OTOF: variants seen among roughly 807,000 people sequenced by gnomAD.
The protein encoded by OTOF is fer-1-like family member 2.
Under a neutral mutation model 236.8 loss-of-function variants are expected in OTOF, and 218 were observed. The observed-to-expected ratio is 0.92, with a 90% confidence interval of 0.82 to 1.03. OTOF has a LOEUF of 1.03. OTOF is among the 50% of genes least tolerant of loss of function. The probability of loss-of-function intolerance (pLI) is 0.00; values close to 1 mark genes in which losing one functional copy is unlikely to be tolerated. For missense variants in OTOF, 2,590 were observed against 2,694.4 expected (o/e 0.96, Z 0.86); for synonymous variants, 1,041 against 1,072.5 (o/e 0.97, Z 0.57).
At position 26,477,625 on chromosome 2, in the gene OTOF, C is replaced by G. The variant is rs114287189; in HGVS notation, c.2315+24G>C. 139 of 1,611,706 alleles carry G rather than the reference C, an allele frequency of 8.6e-5. No homozygotes were observed. The highest frequency in any genetic ancestry group is 1.6e-4 in the Middle Eastern group (1 of 6,082). On this transcript the variant is annotated intron_variant, in intron 19 of 46. Coordinates refer to ENST00000272371, the MANE Select transcript of OTOF (RefSeq NM_194248.3). The surrounding 1 kb of genome is among the most constrained non-coding windows in gnomAD (Gnocchi z 4.7). ...GTCCAGTTCCGCCTCATCCTCCCCC[C>G]ACCTGCCGCCCCTCCCTTCTCACCA...
In OTOF at chr2:26,473,710, G is replaced by A; in HGVS notation, c.3409-143C>T. 5.2e-6 allele frequency: 5 copies of A among 955,188 alleles called. No homozygotes were observed. The South Asian group carries it at 6.4e-5, about 12-fold the overall frequency. The allele number at this position is 955,188 out of a possible 1,614,324, so 59.2% of individuals were successfully genotyped here. A position where few individuals can be genotyped will look rare whatever the true frequency, so the allele number is the denominator to read the frequency against. On this transcript the variant is annotated intron_variant, in intron 27 of 46. Coordinates refer to ENST00000272371, the MANE Select transcript of OTOF (RefSeq NM_194248.3). The surrounding 1 kb of genome is among the most constrained non-coding windows in gnomAD (Gnocchi z 7.2). ...CCAGATTTCAAAGGGTGGGAGCAGG[G>A]CCAGGAGAGCAGAGGAGGGGCAGGC...
intron 24 of OTOF, 127 bp downstream of exon 24, chr2:26,475,787 G>C (rs546740046): frequency 1.6e-6 from 2 of 1,255,164 alleles, no homozygotes; most frequent in Non-Finnish European, 2.2e-6. Context: ...CTGAGAAACC[G>C]GGGCACTGGC....
chr2:26,485,892 G>A (rs546857078), intron 11 of OTOF, among the ~76,000 whole-genome samples: 4 of 152,364 alleles, frequency 2.6e-5, no homozygotes, highest in Non-Finnish European at 5.9e-5. Flanking sequence ...TGGATGAGGA[G>A]TCACTGGAGA....
In OTOF at chr2:26,463,510, A is replaced by C; in HGVS notation, c.5165T>G (p.Leu1722Arg). 10 of 1,608,256 alleles carry C rather than the reference A, an allele frequency of 6.2e-6. No homozygotes were observed. The highest frequency in any genetic ancestry group is 8.5e-6 in the Non-Finnish European group (10 of 1,177,720). The change falls in exon 41 of 47, where the codon CTG becomes CGG. Residue 1722 changes from leucine to arginine, a missense_variant. Physicochemically the swap from Leu to Arg is moderately radical, Grantham distance 102. Transcript: ENST00000272371. ...CTTGGGCTTCCGAGGTGAGATGTCCAGAGGCGTCCCAGGGGCTGGCATGTC... is the reference window on the plus strand; with the variant it reads ...CTTGGGCTTCCGAGGTGAGATGTCCCGAGGCGTCCCAGGGGCTGGCATGTC... ...PMDMPAPGTP[L>R]DISPRKPKKY...
chr2:26,480,988 G>C lies in OTOF; in HGVS notation c.1601C>G (p.Pro534Arg). Residue 534 changes from proline to arginine, a missense_variant, in exon 15 of 47, where the codon CCA becomes CGA. Pro to Arg is a moderately radical substitution (Grantham distance 103, BLOSUM62 -2). Around this residue, in one of 2 missense-constraint regions of OTOF, gnomAD observed 1,379 missense variants for 1,341.6 expected, o/e 1.03. Transcript: ENST00000272371. ...GDKGFLPTLGPAWVNMYGSTR... is the reference protein window; with the variant it reads ...GDKGFLPTLGRAWVNMYGSTR... ...GGAGCCGTACATGTTCACCCAGGCT[G>C]GGCCCAGTGTGGGCAGGAAGCCTGT... The C allele has an allele frequency of 3.7e-6, 6 of 1,612,944 alleles. No homozygotes were observed. Among genetic ancestry groups the C allele is most frequent in the Non-Finnish European group, 5.1e-6 (6 of 1,179,940 alleles).
intron 9 of OTOF, among the ~76,000 whole-genome samples, chr2:26,491,723 A>G (rs1665845169): frequency 6.6e-6 from 1 of 152,204 alleles, no homozygotes; most frequent in Non-Finnish European, 1.5e-5. Context: ...TGGTTTGTGA[A>G]TGGCCAGCTT....
At chr2:26,478,985 C>G (rs1186482976) in intron 18 of OTOF, among the ~76,000 whole-genome samples, 1 of 152,220 alleles carries the variant, frequency 6.6e-6, no homozygotes, top group Non-Finnish European at 1.5e-5. Flanking sequence ...AGGCGTGAGC[C>G]ACCACACCTG....
intron 14 of OTOF, among the ~76,000 whole-genome samples, chr2:26,481,574 A>T (rs1315604381): frequency 2.6e-5 from 4 of 152,060 alleles, no homozygotes; most frequent in African/African-American, 7.3e-5. Context: ...GCCTTTTTTT[A>T]AAAAACACAC....
At chr2:26,468,379 G>A (rs1664831369) in intron 33 of OTOF, 29 bp downstream of exon 33, 1 of 1,584,678 alleles carries the variant, frequency 6.3e-7, no homozygotes, top group Non-Finnish European at 8.7e-7. Context: ...CGGGGAGGAG[G>A]AGGCAGAGTT....
At chr2:26,551,413 G>T (rs1013710615) in intron 1 of OTOF, among the ~76,000 whole-genome samples, 3 of 152,200 alleles carry the variant, frequency 2.0e-5, no homozygotes. Flanking sequence ...CCAACTAGGA[G>T]CCTGCTCCTC....
chr2:26,543,862 G>A (rs553084653), intron 1 of OTOF, among the ~76,000 whole-genome samples: 14 of 152,296 alleles, frequency 9.2e-5, no homozygotes, highest in African/African-American at 2.4e-4. Flanking sequence ...AATTACAGGC[G>A]TGTGCCACCA....
chr2:26,509,181 TG>T (rs1558505827), intron 5 of OTOF, among the ~76,000 whole-genome samples: 1 of 152,212 alleles, frequency 6.6e-6, no homozygotes, highest in Non-Finnish European at 1.5e-5. Context: ...GCAGAGAAGC[TG>T]GGGATGGACA....
chr2:26,508,487 C>T (rs1666305849), intron 5 of OTOF, among the ~76,000 whole-genome samples: 2 of 152,184 alleles, frequency 1.3e-5, no homozygotes, highest in South Asian at 2.1e-4. Flanking sequence ...CATGTGCCCA[C>T]GTTGTACCAG....
chr2:26,465,232 A>G lies in OTOF; in HGVS notation c.4800-203T>C, dbSNP rs72853723. 0.03 allele frequency among the ~76,000 whole-genome samples: 4,493 copies of G among 152,204 alleles called. 82 individuals are homozygous for G. The highest frequency in any genetic ancestry group is 0.057 in the African/African-American group (2,369 of 41,520). On this transcript the variant is annotated intron_variant, in intron 38 of 46. Coordinates refer to ENST00000272371, the MANE Select transcript of OTOF (RefSeq NM_194248.3). ...CTTCCTGCCCTGGGCCTTGGACCAC[A>G]TATCAGTGTCCCCAGCCTAGCCCCA...
At chr2:26,526,985 G>A (rs1201035471) in intron 3 of OTOF, among the ~76,000 whole-genome samples, 1 of 152,206 alleles carries the variant, frequency 6.6e-6, no homozygotes, top group Non-Finnish European at 1.5e-5. Flanking sequence ...GCCACACCTG[G>A]CTGTGATTTT....
chr2:26,465,226 GA>G (rs954602595), intron 38 of OTOF, among the ~76,000 whole-genome samples, 197 bp from the exon 39 acceptor site: 10 of 152,152 alleles, frequency 6.6e-5, no homozygotes, highest in Non-Finnish European at 1.5e-4. Flanking sequence ...CTGGGCCTTG[GA>G]CCACATATCA....
At chr2:26,553,778 T>C (rs73923722) in intron 1 of OTOF, among the ~76,000 whole-genome samples, 6,811 of 152,252 alleles carry the variant, frequency 0.045, 186 homozygotes, top group Middle Eastern at 0.099. Context: ...TCCTTTCCCG[T>C]CTGCCCTTTC....
chr2:26,550,645 C>T (rs1449887750), intron 1 of OTOF, among the ~76,000 whole-genome samples: 2 of 152,028 alleles, frequency 1.3e-5, no homozygotes, highest in Non-Finnish European at 2.9e-5. Context: ...CGCGGTGGTC[C>T]CCAGGACCAC....
chr2:26,500,577 G>A (rs774904771), intron 8 of OTOF, among the ~76,000 whole-genome samples: 1 of 152,130 alleles, frequency 6.6e-6, no homozygotes, highest in Non-Finnish European at 1.5e-5. Flanking sequence ...AAACCCCTAA[G>A]GAATCCAATG....
Sources: allele counts gnomAD v4.1 joint callset (sites outside exome capture counted in the v4.1 genomes callset), GRCh38; gene constraint gnomAD v4.1.1; regional missense constraint gnomAD v4.1.1; non-coding constraint Gnocchi (gnomAD v3.1); transcripts MANE v1.5; gene names NCBI Gene and HGNC (gene_info 2026-07-23, HGNC 2026-07-21).